Variants in CDH4 observed in about 807,000 individuals in gnomAD.
CDH4 encodes cadherin 4.
CDH4 carries 33 observed loss-of-function variants against 86.0 expected under a neutral mutation model. The observed-to-expected ratio is 0.38, with a 90% CI of 0.29 to 0.51. The LOEUF is 0.51. Among genes scored for constraint, CDH4 ranks in the 20% least tolerant of loss-of-function variants. The pLI, the probability that CDH4 is intolerant of heterozygous loss-of-function variation, is 0.86. For missense variants in CDH4, 1,114 were observed against 1,307.4 expected (o/e 0.85, Z 2.28); for synonymous variants, 555 against 549.4 (o/e 1.01, Z -0.14).
chr20:61,804,559 C>T (rs1980023084), intron 4 of CDH4, among the ~76,000 whole-genome samples: 1 of 152,226 alleles, frequency 6.6e-6, no homozygotes, highest in African/African-American at 2.4e-5. Context: ...CCAGGTCCTG[C>T]CCTCTCCTTA....
intron 2 of CDH4, among the ~76,000 whole-genome samples, chr20:61,548,333 G>C (rs2086103745): frequency 6.6e-6 from 1 of 152,082 alleles, no homozygotes; most frequent in African/African-American, 2.4e-5. Context: ...GCAGGTGGAA[G>C]GAGGGAAAAG....
At chr20:61,330,953 G>A (rs1219381807) in intron 2 of CDH4, among the ~76,000 whole-genome samples, 2 of 152,062 alleles carry the variant, frequency 1.3e-5, no homozygotes, top group African/African-American at 2.4e-5. Flanking sequence ...GAGAGGGTCT[G>A]TGAAACAAGT....
intron 2 of CDH4, among the ~76,000 whole-genome samples, chr20:61,371,630 G>C (rs1208871428): frequency 6.6e-6 from 1 of 152,062 alleles, no homozygotes; most frequent in East Asian, 2.0e-4. Flanking sequence ...CCTCTGCTGC[G>C]GGCCCCGAGC....
intron 7 of CDH4, among the ~76,000 whole-genome samples, chr20:61,886,969 C>A (rs1003353369): frequency 1.3e-4 from 20 of 152,118 alleles, no homozygotes; most frequent in African/African-American, 4.6e-4. Context: ...CAATGTAAGC[C>A]TTTTAGATAA....
At chr20:61,813,220 A>G (rs1045475561) in intron 4 of CDH4, among the ~76,000 whole-genome samples, 7 of 152,218 alleles carry the variant, frequency 4.6e-5, no homozygotes, top group African/African-American at 1.7e-4. Context: ...ATGGTTCACA[A>G]GCTCCCTCCA....
At chr20:61,683,546 C>T (rs1338513795) in intron 2 of CDH4, among the ~76,000 whole-genome samples, 1 of 152,102 alleles carries the variant, frequency 6.6e-6, no homozygotes, top group Admixed American at 6.5e-5. Context: ...AGAAGAGCAC[C>T]CCAAACTGCA....
At chr20:61,729,187 G>C (rs2088149315) in intron 2 of CDH4, among the ~76,000 whole-genome samples, 1 of 152,176 alleles carries the variant, frequency 6.6e-6, no homozygotes, top group Non-Finnish European at 1.5e-5. Context: ...CGCATTGGTG[G>C]CTGGATTTGC....
intron 2 of CDH4, among the ~76,000 whole-genome samples, chr20:61,667,829 C>G (rs944262): frequency 0.44 from 67,046 of 152,032 alleles, 15,971 homozygotes; most frequent in Non-Finnish European, 0.53. Context: ...AATGCAAGGG[C>G]AGAGGAGCAA....
intron 9 of CDH4, among the ~76,000 whole-genome samples, chr20:61,918,877 A>G (rs149534525): frequency 4.7e-4 from 72 of 152,112 alleles, no homozygotes; most frequent in African/African-American, 1.6e-3. Context: ...TATTTAGGCA[A>G]TTTTATTTTT....
At chr20:61,397,988 C>A (rs988849176) in intron 2 of CDH4, among the ~76,000 whole-genome samples, 1 of 152,198 alleles carries the variant, frequency 6.6e-6, no homozygotes, top group Non-Finnish European at 1.5e-5. Context: ...CAAGGCTGAC[C>A]GCATGCCGAG....
At chr20:61,601,872 C>T (rs574046662) in intron 2 of CDH4, among the ~76,000 whole-genome samples, 11 of 152,314 alleles carry the variant, frequency 7.2e-5, no homozygotes, top group Non-Finnish European at 1.5e-4. Context: ...AAAGCAGTGT[C>T]GCGTTCAGTT....
At chr20:61,923,251 C>A (rs1047832024) in intron 9 of CDH4, among the ~76,000 whole-genome samples, 200 bp from the exon 10 acceptor site, 23 of 152,252 alleles carry the variant, frequency 1.5e-4, no homozygotes, top group Non-Finnish European at 2.8e-4. Flanking sequence ...CTCCTCCCAT[C>A]GGCCAAACCC....
intron 2 of CDH4, among the ~76,000 whole-genome samples, chr20:61,398,898 C>A (rs1169605178): frequency 1.3e-5 from 2 of 152,238 alleles, no homozygotes; most frequent in East Asian, 3.8e-4. Context: ...ACCCCGGCCA[C>A]AGCCCAGTCC....
At chr20:61,436,931 C>T (rs2145525462) in intron 2 of CDH4, 1 of 152,604 alleles carries the variant, frequency 6.6e-6, no homozygotes, top group African/African-American at 2.4e-5. Flanking sequence ...GGACAAAGGC[C>T]TCTTGTCTGC....
At chr20:61,931,495 TC>T (rs1277581899) in intron 13 of CDH4, among the ~76,000 whole-genome samples, 1 of 152,136 alleles carries the variant, frequency 6.6e-6, no homozygotes, top group Non-Finnish European at 1.5e-5. Context: ...AAAACAGCCC[TC>T]CTGACTGGGG....
chr20:61,423,589 G>T (rs1287183905), intron 2 of CDH4, among the ~76,000 whole-genome samples: 1 of 152,010 alleles, frequency 6.6e-6, no homozygotes, highest in Non-Finnish European at 1.5e-5. Flanking sequence ...GGCGTTTTGA[G>T]AAATTGCATT....
intron 4 of CDH4, among the ~76,000 whole-genome samples, chr20:61,779,701 T>G (rs1037642335): frequency 2.0e-4 from 31 of 152,156 alleles, no homozygotes; most frequent in African/African-American, 7.2e-4. Flanking sequence ...TTTGGGAGCA[T>G]GGAGGTGAAA....
At chr20:61,839,477 T>A (rs1336477960) in intron 4 of CDH4, among the ~76,000 whole-genome samples, 1 of 151,594 alleles carries the variant, frequency 6.6e-6, no homozygotes, top group Non-Finnish European at 1.5e-5. Flanking sequence ...TGTGCATGTG[T>A]ATGTGTGTTT....
chr20:61,358,167 G>A (rs538370395), intron 2 of CDH4, among the ~76,000 whole-genome samples: 4 of 152,148 alleles, frequency 2.6e-5, no homozygotes, highest in Non-Finnish European at 4.4e-5. Context: ...CCCCCGGGAC[G>A]TGCTTCCTGC....
Sources: gnomAD v4.1 joint callset for allele counts (sites outside exome capture counted in the v4.1 genomes callset) on GRCh38, gnomAD v4.1.1 for gene constraint, MANE v1.5 for transcripts, NCBI Gene and HGNC (gene_info 2026-07-23, HGNC 2026-07-21) for gene names.